Variants in SPON2 observed in about 807,000 individuals in gnomAD.
SPON2 encodes the protein spondin-2.
A neutral mutation model predicts 29.9 loss-of-function variants in SPON2; 32 were observed. That is an observed-to-expected ratio of 1.07 (90% confidence interval 0.81 to 1.44). The LOEUF (loss-of-function observed/expected upper bound fraction) is 1.44, where lower values mean the gene tolerates loss of function less well. Ranked by LOEUF, SPON2 falls within the 40% of genes most tolerant of loss-of-function variation. The probability of loss-of-function intolerance (pLI) is 0.00; values close to 1 mark genes in which losing one functional copy is unlikely to be tolerated. For missense variants in SPON2, 541 were observed against 455.5 expected (o/e 1.19, Z -1.71); for synonymous variants, 248 against 209.1 (o/e 1.19, Z -1.61).
Position 1,172,055 on chromosome 4 carries a change from G to A in SPON2, c.17C>T (p.Pro6Leu), listed in dbSNP as rs1316737917. The A allele has an allele frequency of 1.2e-6, 2 of 1,611,548 alleles. No homozygotes were observed. Among genetic ancestry groups the A allele is most frequent in the Admixed American group, 1.7e-5 (1 of 59,972 alleles). Residue 6 changes from proline to leucine, a missense_variant, in exon 2 of 6, where the codon CCG becomes CTG. Pro to Leu is a moderately conservative substitution (Grantham distance 98). Coordinates refer to ENST00000290902, the MANE Select transcript of SPON2 (RefSeq NM_012445.4). ...GAGGGCCTTGCCCAGGGCGGCGGCC[G>A]GGCTGGGGTTTTCCATCACCTGGGA... is the stretch of plus-strand genomic sequence containing the variant. MENPS[P>L]AAALGKALCA...
At position 1,171,301 on chromosome 4, in the gene SPON2, T is replaced by A; in HGVS notation, c.406A>T (p.Thr136Ser). 6.3e-7 allele frequency: 1 copy of A among 1,592,124 alleles called. No homozygotes were observed. The highest frequency in any genetic ancestry group is 8.5e-7 in the Non-Finnish European group (1 of 1,174,310). The stretch of plus-strand genomic sequence containing the variant: ...CGCTGCACCTCCAGCTCCGCCGACG[T>A]CTGCCCGGTGCCGCTGGGGACGGCG... ...APAVPSGTGQ[T>S]SAELEVQRRH... The change falls in exon 3 of 6, where the codon ACG becomes TCG. Residue 136 changes from threonine to serine, a missense_variant. Physicochemically the swap from Thr to Ser is moderately conservative, Grantham distance 58 (BLOSUM62 1). Coordinates refer to ENST00000290902, the MANE Select transcript of SPON2 (RefSeq NM_012445.4).
upstream of SPON2, chr4:1,196,976 T>C (rs1728083763): frequency 6.6e-6 from 1 of 152,206 alleles, no homozygotes; most frequent in Non-Finnish European, 1.5e-5. Flanking sequence ...GCATGTCTGG[T>C]TGGGCATGTG....
At chr4:1,169,555 C>T (rs1055095815) in intron 5 of SPON2, among the ~76,000 whole-genome samples, 3 of 152,170 alleles carry the variant, frequency 2.0e-5, no homozygotes, top group Non-Finnish European at 2.9e-5. Context: ...TACTGCTGCT[C>T]CTCAAGACGA....
intron 1 of SPON2, among the ~76,000 whole-genome samples, chr4:1,187,931 G>A (rs1019325305): frequency 1.3e-5 from 2 of 151,986 alleles, no homozygotes; most frequent in Non-Finnish European, 2.9e-5. Flanking sequence ...GCCAGGCACA[G>A]CAACACACGC....
At chr4:1,170,919 G>A (rs1245062656) in intron 4 of SPON2, 80 bp downstream of exon 4, 12 of 1,511,872 alleles carry the variant, frequency 7.9e-6, no homozygotes, top group Non-Finnish European at 9.0e-6. Context: ...GGGCTGGGAG[G>A]CGAGGGTGCA....
intron 1 of SPON2, among the ~76,000 whole-genome samples, chr4:1,181,078 G>A (rs763146126): frequency 3.9e-5 from 6 of 152,150 alleles, no homozygotes; most frequent in Non-Finnish European, 5.9e-5. Context: ...TAGCCGCACT[G>A]ACACACATCA....
At chr4:1,168,571 G>A (rs994105525) in intron 5 of SPON2, among the ~76,000 whole-genome samples, 3 of 152,206 alleles carry the variant, frequency 2.0e-5, no homozygotes, top group Non-Finnish European at 2.9e-5. Context: ...CTGAGGCTTC[G>A]CAGGGGCACT....
At position 1,181,769 on chromosome 4, in the gene SPON2, T is replaced by G. The variant is rs1157988190; in HGVS notation, c.-238-2228A>C. 2.0e-5 allele frequency among the ~76,000 whole-genome samples: 3 copies of G among 152,232 alleles called. No individual in the cohort carries two copies. In the East Asian group the frequency reaches 5.8e-4, roughly 29 times the overall value. On this transcript the variant is annotated intron_variant, in intron 1 of 3. Coordinates refer to the SPON2 transcript ENST00000502483. ...CGAGGCTGGCAAGAAAAAAGGATGT[T>G]GTCCTTCAGATATTTGGGATTGGTG...
At chr4:1,167,734 C>A in intron 5 of SPON2, 78 bp from the exon 6 acceptor site, 5 of 1,459,074 alleles carry the variant, frequency 3.4e-6, no homozygotes, top group Non-Finnish European at 4.6e-6. Context: ...CACCTCCCAC[C>A]AACGTGTGCA....
At chr4:1,195,023 G>A (rs1728024722) in exon 1 of SPON2, 2 of 102,880 alleles carry the variant, frequency 1.9e-5, no homozygotes, top group Non-Finnish European at 4.2e-5. Flanking sequence ...CGCAGCCGGC[G>A]GCTCCAACCC....
intron 1 of SPON2, among the ~76,000 whole-genome samples, chr4:1,194,810 A>G (rs942371864): frequency 6.6e-6 from 1 of 151,980 alleles, no homozygotes; most frequent in Non-Finnish European, 1.5e-5. Context: ...GCTGCCTGGC[A>G]GAGGCCTCAC....
upstream of SPON2, chr4:1,173,297 C>T (rs1268151699): frequency 6.6e-6 from 1 of 152,610 alleles, no homozygotes; most frequent in Non-Finnish European, 1.5e-5. Context: ...GCACTGTGGC[C>T]AGAGGGCATT....
chr4:1,185,708 C>CAAA (rs58836347), intron 1 of SPON2, among the ~76,000 whole-genome samples: 4 of 69,648 alleles, frequency 5.7e-5, no homozygotes, highest in African/African-American at 1.9e-4. Flanking sequence ...ACTCCATCTC[C>CAAA]AAAAAAAAAA....
At chr4:1,206,662 C>T (rs1269249730) in intron 1 of SPON2, among the ~76,000 whole-genome samples, 1 of 152,166 alleles carries the variant, frequency 6.6e-6, no homozygotes, top group African/African-American at 2.4e-5. Context: ...CTCAGCTCTG[C>T]AGGCGGAGAG....
intron 1 of SPON2, among the ~76,000 whole-genome samples, chr4:1,181,756 G>GA (rs1334090933): frequency 6.6e-6 from 1 of 152,146 alleles, no homozygotes; most frequent in African/African-American, 2.4e-5. Context: ...AGGCTGGCAA[G>GA]AAAAAAGGAT....
At chr4:1,172,165 G>C in intron 1 of SPON2, 91 bp from the exon 2 acceptor site, 3 of 1,165,278 alleles carry the variant, frequency 2.6e-6, no homozygotes, top group Non-Finnish European at 3.6e-6. Flanking sequence ...TTTGGGCTCT[G>C]AGGACGGCCC....
Position 1,172,022 on chromosome 4 carries a change from A to C in SPON2, c.50T>G (p.Leu17Arg), listed in dbSNP as rs1389298647. 1 of 1,612,378 alleles carries C rather than the reference A, an allele frequency of 6.2e-7. No homozygotes were observed. The highest frequency in any genetic ancestry group is 2.2e-5 in the East Asian group (1 of 44,832). ...AAALGKALCA[L>R]LLATLGAAGQ... Reference sequence around the variant, plus strand: ...GGCGGCGCCGAGAGTGGCCAGGAGGAGAGCGCAGAGGGCCTTGCCCAGGGC... The same window carrying C: ...GGCGGCGCCGAGAGTGGCCAGGAGGCGAGCGCAGAGGGCCTTGCCCAGGGC... Residue 17 changes from leucine (L) to arginine (R), a missense_variant, in exon 2 of 6, where the codon CTC (leucine) becomes CGC (arginine). By Grantham distance (102) the Leu-to-Arg change is moderately radical. Transcript: ENST00000290902.
chr4:1,189,473 C>T (rs990296873), intron 1 of SPON2, among the ~76,000 whole-genome samples: 4 of 150,466 alleles, frequency 2.7e-5, no homozygotes, highest in South Asian at 2.1e-4. Context: ...CAGGGGCAAA[C>T]GGTAAAACCC....
chr4:1,167,135 A>G lies in SPON2; in HGVS notation c.*337T>C. On this transcript the variant is annotated 3_prime_UTR_variant, in exon 6 of 6. Coordinates refer to ENST00000290902, the MANE Select transcript of SPON2 (RefSeq NM_012445.4). ...GTGGGAGCCAGGCCCCTGGACGATG[A>G]AGGACAATCTCCTGGAGCAGCAATA... is the stretch of plus-strand genomic sequence containing the variant. 1 of 233,128 alleles carries G rather than the reference A, an allele frequency of 4.3e-6. No individual in the cohort carries two copies. Among genetic ancestry groups the G allele is most frequent in the East Asian group, 9.8e-5 (1 of 10,242 alleles). 14.4% of individuals were successfully genotyped at this position (233,128 alleles called of 1,614,324 possible). A position where few individuals can be genotyped will look rare whatever the true frequency, so the allele number is the denominator to read the frequency against.
Sources: allele counts gnomAD v4.1 joint callset (sites outside exome capture counted in the v4.1 genomes callset), GRCh38; gene constraint gnomAD v4.1.1; transcripts MANE v1.5; gene names NCBI Gene and HGNC (gene_info 2026-07-23, HGNC 2026-07-21).